The following EPHA3 variants were observed in gnomAD, a reference collection of about 807,000 sequenced individuals.
EPHA3 encodes the protein ephrin type-A receptor 3.
In EPHA3, 42 loss-of-function variants were observed where a neutral mutation model predicts 107.1. The observed-to-expected ratio is 0.39, with a 90% CI of 0.31 to 0.51. EPHA3 has a LOEUF of 0.51. EPHA3 is among the 20% of genes least tolerant of loss of function. EPHA3 has a pLI of 0.78. For missense variants in EPHA3, 1,183 were observed against 1,211.2 expected, an observed-to-expected ratio of 0.98 and a Z score of 0.35; for synonymous variants, 461 against 424.8, an observed-to-expected ratio of 1.09 and a Z score of -1.05.
intron 3 of EPHA3, among the ~76,000 whole-genome samples, chr3:89,220,238 A>AT (rs1704338985): frequency 6.6e-6 from 1 of 152,208 alleles, no homozygotes; most frequent in Non-Finnish European, 1.5e-5. Context: ...CGAATTATAC[A>AT]TTAGCAGAGC....
At chr3:89,180,486 G>A (rs1194039850) in intron 2 of EPHA3, among the ~76,000 whole-genome samples, 2 of 151,950 alleles carry the variant, frequency 1.3e-5, no homozygotes, top group African/African-American at 2.4e-5. Flanking sequence ...GAAAGCCACA[G>A]CATTATGATG....
chr3:89,368,310 C>CAG (rs1434646816), intron 5 of EPHA3, among the ~76,000 whole-genome samples: 6 of 150,144 alleles, frequency 4.0e-5, no homozygotes, highest in African/African-American at 1.5e-4. Flanking sequence ...AAAGACAAAG[C>CAG]AGAACTATAA....
intron 3 of EPHA3, among the ~76,000 whole-genome samples, chr3:89,281,833 C>T (rs917939573): frequency 1.3e-5 from 2 of 152,090 alleles, no homozygotes; most frequent in African/African-American, 2.4e-5. Context: ...ACATCTCTCT[C>T]GATTTTATGC....
intron 2 of EPHA3, among the ~76,000 whole-genome samples, chr3:89,187,783 G>A (rs1160670877): frequency 6.6e-6 from 1 of 152,078 alleles, no homozygotes. Context: ...ACTTATCTGA[G>A]ATAATTGGCC....
At chr3:89,165,800 G>A (rs978492204) in intron 2 of EPHA3, among the ~76,000 whole-genome samples, 2 of 152,098 alleles carry the variant, frequency 1.3e-5, no homozygotes, top group Admixed American at 6.5e-5. Context: ...GGCCCCTGCC[G>A]TTCTGGAACT....
At chr3:89,356,562 G>T (rs142607384) in intron 5 of EPHA3, among the ~76,000 whole-genome samples, 2 of 151,340 alleles carry the variant, frequency 1.3e-5, no homozygotes, top group Admixed American at 1.3e-4. Context: ...TCTTTGGTGT[G>T]ATTGGCTTAG....
chr3:89,359,832 T>TATATATACATATATATACATATATATAC (rs747927767), intron 5 of EPHA3, among the ~76,000 whole-genome samples: 8 of 128,122 alleles, frequency 6.2e-5, no homozygotes, highest in Non-Finnish European at 1.3e-4. Context: ...CATATATATA[T>TATATATACATATATATACATATATATAC]ACATATATAT....
At chr3:89,315,094 TA>T (rs1706863690) in intron 3 of EPHA3, among the ~76,000 whole-genome samples, 1 of 151,868 alleles carries the variant, frequency 6.6e-6, no homozygotes, top group African/African-American at 2.4e-5. Flanking sequence ...TATGGCATTA[TA>T]ATCTTATGGG....
chr3:89,457,921 G>A (rs532293652), intron 15 of EPHA3, among the ~76,000 whole-genome samples: 4 of 152,330 alleles, frequency 2.6e-5, no homozygotes, highest in Admixed American at 2.0e-4. Context: ...ACTGAGATGT[G>A]CAGAGTGACA....
At chr3:89,399,144 C>T (rs1386818305) in intron 6 of EPHA3, among the ~76,000 whole-genome samples, 174 bp from the exon 7 acceptor site, 2 of 151,414 alleles carry the variant, frequency 1.3e-5, no homozygotes, top group Admixed American at 6.6e-5. Context: ...AAAAAAAATG[C>T]CTAAGTTGCG....
chr3:89,359,687 G>GTGTA (rs1708045292), intron 5 of EPHA3, among the ~76,000 whole-genome samples: 1 of 146,562 alleles, frequency 6.8e-6, no homozygotes, highest in Admixed American at 7.0e-5. Context: ...GTGTGTGTGT[G>GTGTA]TATATACGTT....
intron 3 of EPHA3, among the ~76,000 whole-genome samples, chr3:89,303,189 C>G (rs1706532062): frequency 6.6e-6 from 1 of 152,140 alleles, no homozygotes; most frequent in African/African-American, 2.4e-5. Context: ...AGCTACTGCA[C>G]CCAGCCTCTT....
intron 16 of EPHA3, among the ~76,000 whole-genome samples, chr3:89,473,565 T>C (rs1710448776): frequency 6.6e-6 from 1 of 152,168 alleles, no homozygotes; most frequent in Non-Finnish European, 1.5e-5. Flanking sequence ...TTCTGCACAG[T>C]GACATTTTCT....
chr3:89,144,790 A>G (rs912042689), intron 2 of EPHA3, among the ~76,000 whole-genome samples: 1 of 151,696 alleles, frequency 6.6e-6, no homozygotes, highest in African/African-American at 2.4e-5. Context: ...GCAATTGTTT[A>G]TATTTTCAAT....
chr3:89,195,217 C>T (rs1216456560), intron 2 of EPHA3, among the ~76,000 whole-genome samples: 2 of 151,990 alleles, frequency 1.3e-5, no homozygotes, highest in Non-Finnish European at 2.9e-5. Flanking sequence ...TTTTGCTCCT[C>T]TTCTTTGCAT....
At chr3:89,161,676 A>ATTAT (rs1308317977) in intron 2 of EPHA3, among the ~76,000 whole-genome samples, 1 of 152,070 alleles carries the variant, frequency 6.6e-6, no homozygotes, top group African/African-American at 2.4e-5. Context: ...TATAATTTTT[A>ATTAT]TTATTTTAAA....
At chr3:89,454,840 T>G (rs928256988) in intron 15 of EPHA3, among the ~76,000 whole-genome samples, 2 of 151,978 alleles carry the variant, frequency 1.3e-5, no homozygotes, top group Non-Finnish European at 2.9e-5. Context: ...AAATTTTTTT[T>G]TAAATGGGCC....
intron 3 of EPHA3, among the ~76,000 whole-genome samples, chr3:89,277,579 A>G (rs914257465): frequency 6.6e-6 from 1 of 152,164 alleles, no homozygotes; most frequent in African/African-American, 2.4e-5. Context: ...ATGCATTTAA[A>G]GATATGTCAC....
intron 2 of EPHA3, among the ~76,000 whole-genome samples, chr3:89,188,554 A>G (rs1305235282): frequency 6.6e-6 from 1 of 152,172 alleles, no homozygotes; most frequent in Non-Finnish European, 1.5e-5. Context: ...TTCTCTGTAC[A>G]ATCTTTTCCT....
Sources: allele counts gnomAD v4.1 joint callset (sites outside exome capture counted in the v4.1 genomes callset), GRCh38; gene constraint gnomAD v4.1.1; transcripts MANE v1.5; gene names NCBI Gene and HGNC (gene_info 2026-07-23, HGNC 2026-07-21).